The following CELF2 variants were observed in gnomAD, a reference collection of about 807,000 sequenced individuals.
The protein encoded by CELF2 is CUG triplet repeat RNA-binding protein 2.
CELF2 carries 8 observed loss-of-function variants against 62.6 expected under a neutral mutation model. That is an observed-to-expected ratio of 0.13 (90% confidence interval 0.07 to 0.23). The LOEUF (loss-of-function observed/expected upper bound fraction) is 0.23, where lower values mean the gene tolerates loss of function less well. CELF2 is among the 10% of genes least tolerant of loss of function. The probability of loss-of-function intolerance (pLI) is 1.00; values close to 1 mark genes in which losing one functional copy is unlikely to be tolerated. For synonymous variants in CELF2, 258 were observed against 250.0 expected, an observed-to-expected ratio of 1.03 and a Z score of -0.30; for missense variants, 333 against 671.0, an observed-to-expected ratio of 0.50 and a Z score of 5.56.
the CELF2 span, among the ~76,000 whole-genome samples, chr10:10,680,160 T>G: frequency 6.6e-6 from 1 of 152,068 alleles, no homozygotes; most frequent in East Asian, 1.9e-4. Context: ...TATGTATGTA[T>G]GTATGTATGT....
intron 1 of CELF2, among the ~76,000 whole-genome samples, chr10:10,860,335 G>A (rs902571419): frequency 6.6e-6 from 1 of 152,066 alleles, no homozygotes; most frequent in African/African-American, 2.4e-5. Flanking sequence ...CTCCTGAAAG[G>A]GTCTCTAGGA....
the CELF2 span, among the ~76,000 whole-genome samples, chr10:10,765,961 G>A: frequency 6.6e-6 from 1 of 152,284 alleles, no homozygotes; most frequent in African/African-American, 2.4e-5. Flanking sequence ...AGCGCACTGG[G>A]CCACCCTCCC....
Position 11,306,259 on chromosome 10 carries a change from C to T in CELF2, c.977-7880C>T, listed in dbSNP as rs2094200536. Among the ~76,000 whole-genome samples the T allele has an allele frequency of 1.3e-5, 2 of 151,892 alleles. No homozygotes were observed. Among genetic ancestry groups the T allele is most frequent in the African/African-American group, 4.8e-5 (2 of 41,342 alleles). ...ATTATGAACCAACATTTATAGACCGCACCTCTCCTGAGATGCTCCTTTGGC... is the reference window on the plus strand; with the variant it reads ...ATTATGAACCAACATTTATAGACCGTACCTCTCCTGAGATGCTCCTTTGGC... On this transcript the variant is annotated intron_variant, in intron 9 of 12. Transcript: ENST00000633077. The surrounding 1 kb of genome is among the most constrained non-coding windows in gnomAD (Gnocchi z 4.4).
chr10:10,817,326 T>C (rs1325406434), intron 1 of CELF2, among the ~76,000 whole-genome samples: 1 of 152,314 alleles, frequency 6.6e-6, no homozygotes, highest in East Asian at 1.9e-4. Flanking sequence ...AACAAGCCAA[T>C]AGCACTCTTT....
chr10:10,512,565 C>A, the CELF2 span, among the ~76,000 whole-genome samples: 34,647 of 151,268 alleles, frequency 0.23, 4,696 homozygotes, highest in Non-Finnish European at 0.32. Flanking sequence ...GCATGCGCCA[C>A]CAGGCCCGGC....
the CELF2 span, among the ~76,000 whole-genome samples, chr10:10,718,611 A>T: frequency 2.2e-5 from 3 of 137,140 alleles, no homozygotes; most frequent in South Asian, 7.6e-4. Flanking sequence ...GTGACAGAGC[A>T]AGACTCCGTC....
At chr10:11,181,915 A>C (rs1038469171) in intron 2 of CELF2, among the ~76,000 whole-genome samples, 3 of 152,216 alleles carry the variant, frequency 2.0e-5, no homozygotes, top group African/African-American at 7.2e-5. Flanking sequence ...GCACGTTGAC[A>C]TGGAACACCC....
chr10:10,792,604 TC>T, the CELF2 span: 4 of 393,576 alleles, frequency 1.0e-5, no homozygotes, highest in East Asian at 7.2e-5. Context: ...GACTGTAAGA[TC>T]AATGTTTCAG....
the CELF2 span, among the ~76,000 whole-genome samples, chr10:10,540,092 T>C: frequency 2.0e-5 from 3 of 152,182 alleles, no homozygotes; most frequent in African/African-American, 7.2e-5. Flanking sequence ...TCCAGTGTCT[T>C]AATTTTGAGT....
At chr10:10,584,424 T>C in the CELF2 span, among the ~76,000 whole-genome samples, 1 of 152,210 alleles carries the variant, frequency 6.6e-6, no homozygotes, top group East Asian at 1.9e-4. Context: ...CACTCAGCAG[T>C]GTATGAATGG....
the CELF2 span, among the ~76,000 whole-genome samples, chr10:10,618,712 C>T: frequency 3.9e-5 from 6 of 152,012 alleles, no homozygotes; most frequent in Non-Finnish European, 5.9e-5. Context: ...ACCTGAAGGT[C>T]GTTGCCTCAC....
At chr10:10,666,878 AAG>A in the CELF2 span, among the ~76,000 whole-genome samples, 1 of 75,194 alleles carries the variant, frequency 1.3e-5, no homozygotes, top group African/African-American at 6.8e-5. Flanking sequence ...AAAAAAAAAA[AAG>A]AAAAAAAAAA....
intron 1 of CELF2, among the ~76,000 whole-genome samples, chr10:10,910,591 C>T (rs2063719365): frequency 6.7e-6 from 1 of 148,638 alleles, no homozygotes; most frequent in Non-Finnish European, 1.5e-5. Context: ...AGCTAGCTAC[C>T]TGGGAGGCCG....
At chr10:10,738,275 A>G in the CELF2 span, among the ~76,000 whole-genome samples, 1 of 152,264 alleles carries the variant, frequency 6.6e-6, no homozygotes, top group Admixed American at 6.5e-5. Flanking sequence ...CATAAAAGAA[A>G]TTAGTTAAAT....
At chr10:11,195,776 C>T (rs1261078625) in intron 2 of CELF2, among the ~76,000 whole-genome samples, 1 of 152,174 alleles carries the variant, frequency 6.6e-6, no homozygotes, top group East Asian at 1.9e-4. Context: ...CTCAGGGAGG[C>T]TGCATGTCCT....
the CELF2 span, among the ~76,000 whole-genome samples, chr10:10,556,227 C>T: frequency 1.2e-4 from 19 of 152,162 alleles, no homozygotes; most frequent in East Asian, 3.7e-3. Context: ...ATTCCGCTTC[C>T]TGTGTCCATG....
chr10:10,629,766 G>A, the CELF2 span, among the ~76,000 whole-genome samples: 1 of 150,156 alleles, frequency 6.7e-6, no homozygotes, highest in Admixed American at 6.7e-5. Flanking sequence ...TACTAATGGA[G>A]GCATTTGTTT....
rs2132996038 is a variant in CELF2 at position 11,333,904 on chromosome 10, A to C, written c.*4851A>C. ...ATACTGGAGATTAAAAAAAAAATGG[A>C]AATTTTTGTGGCTTGCTCTGGTGGG... On this transcript the variant is annotated 3_prime_UTR_variant, in exon 13 of 13. Coordinates refer to ENST00000633077, the MANE Select transcript of CELF2 (RefSeq NM_001326342.2). 1.3e-5 allele frequency: 2 copies of C among 152,438 alleles called. 1 individual carries two copies. Among genetic ancestry groups the C allele is most frequent in the Middle Eastern group, 6.8e-3 (2 of 294 alleles). The allele number at this position is 152,438 out of a possible 1,614,324, so 9.4% of individuals were successfully genotyped here.
rs745848953 is a variant in CELF2, at chr10:10,924,724, C to CTTTTTTTTTTTTTTTTTTT, written c.89+4743_89+4744insTTTTTTTTTTTTTTTTTTT. Among the ~76,000 whole-genome samples the CTTTTTTTTTTTTTTTTTTT allele has an allele frequency of 2.7e-4, 24 of 89,152 alleles. 4 individuals are homozygous for CTTTTTTTTTTTTTTTTTTT. The highest frequency in any genetic ancestry group is 9.0e-4 in the African/African-American group (19 of 21,148). 58.5% of individuals were successfully genotyped at this position (89,152 alleles called of 152,430 possible). A position where few individuals can be genotyped will look rare whatever the true frequency, so the allele number is the denominator to read the frequency against. ...GTATATTAATCCAGTAACTTGATCG[C>CTTTTTTTTTTTTTTTTTTT]TTTTTTTTTTTTTTTTTTGCCTTCT... On this transcript the variant is annotated intron_variant, in intron 2 of 13. Transcript: ENST00000636488.
Sources: allele counts gnomAD v4.1 joint callset (sites outside exome capture counted in the v4.1 genomes callset), GRCh38; gene constraint gnomAD v4.1.1; non-coding constraint Gnocchi (gnomAD v3.1); transcripts MANE v1.5; gene names NCBI Gene and HGNC (gene_info 2026-07-23, HGNC 2026-07-21).